SPARCL1: variants seen among roughly 807,000 people sequenced by gnomAD.
SPARCL1 encodes the protein SPARC-like protein 1.
SPARCL1 carries 52 observed loss-of-function variants against 67.1 expected under a neutral mutation model. The ratio of observed to expected loss-of-function variants is 0.78; its 90% CI spans 0.62 to 0.98. The LOEUF is 0.98. Among genes scored for constraint, SPARCL1 ranks in the 50% least tolerant of loss-of-function variants. The pLI, the probability that SPARCL1 is intolerant of heterozygous loss-of-function variation, is 0.00. For missense variants in SPARCL1, 717 were observed against 782.4 expected (o/e 0.92, Z 1.00); for synonymous variants, 226 against 267.8 (o/e 0.84, Z 1.52).
intron 7 of SPARCL1, among the ~76,000 whole-genome samples, chr4:87,489,793 C>G (rs920767880): frequency 3.3e-5 from 5 of 152,174 alleles, no homozygotes; most frequent in Admixed American, 3.3e-4. Context: ...GTGAGCACTG[C>G]TAATGTGGAG....
Position 87,473,467 on chromosome 4 carries a change from CATT to C in SPARCL1, c.*305_*307del, listed in dbSNP as rs774088265. 1.3e-5 allele frequency: 3 copies of C among 229,372 alleles called. No individual in the cohort carries two copies. Among genetic ancestry groups the C allele is most frequent in the Admixed American group, 5.6e-5 (1 of 17,720 alleles). 14.2% of individuals were successfully genotyped at this position (229,372 alleles called of 1,614,324 possible). On this transcript the variant is annotated 3_prime_UTR_variant, in exon 11 of 11. Coordinates refer to ENST00000282470, the MANE Select transcript of SPARCL1 (RefSeq NM_004684.6). ...AACAATACAAATGCATTATTTTTAT[CATT>C]AATAGTTTAATCATTAATTATCTCA... is the stretch of plus-strand genomic sequence containing the variant.
At chr4:87,481,763 C>A (rs1317316021) in intron 8 of SPARCL1, among the ~76,000 whole-genome samples, 1 of 152,164 alleles carries the variant, frequency 6.6e-6, no homozygotes, top group African/African-American at 2.4e-5. Context: ...TATATAATTG[C>A]ATATATGCAT....
Position 87,493,629 on chromosome 4 carries a change from G to A in SPARCL1, c.1171C>T (p.His391Tyr). 6.2e-7 allele frequency: 1 copy of A among 1,613,644 alleles called. No individual in the cohort carries two copies. The highest frequency in any genetic ancestry group is 1.1e-5 in the South Asian group (1 of 91,062). Residue 391 changes from histidine (H) to tyrosine (Y), a missense_variant, in exon 4 of 11, where the codon CAT becomes TAT. Coordinates refer to ENST00000282470, the MANE Select transcript of SPARCL1 (RefSeq NM_004684.6). ...GTGGTACCTATATTTTCATTTTCAT[G>A]TACTTTTTCTCTTTGCTCCTCAATT... ...LKIEEQREKV[H>Y]ENENIGTTEP...
chr4:87,475,737 A>G (rs1723558856), intron 10 of SPARCL1, among the ~76,000 whole-genome samples: 1 of 152,186 alleles, frequency 6.6e-6, no homozygotes, highest in Non-Finnish European at 1.5e-5. Context: ...AAGTCTAAAA[A>G]CAACATGCTG....
rs70957258 is a variant in SPARCL1, at chr4:87,504,135, T to TTGTGTGTGTGTG, written c.-11-4562_-11-4551dup. Among the ~76,000 whole-genome samples, 91 of 30,930 alleles carry TTGTGTGTGTGTG rather than the reference T, an allele frequency of 2.9e-3. 3 individuals are homozygous for TTGTGTGTGTGTG. Among genetic ancestry groups the TTGTGTGTGTGTG allele is most frequent in the Non-Finnish European group, 3.1e-3 (44 of 14,130 alleles). 20.3% of individuals were successfully genotyped at this position (30,930 alleles called of 152,430 possible). A position where few individuals can be genotyped will look rare whatever the true frequency, so the allele number is the denominator to read the frequency against. ...GCTGCACATAGAAAGTGATTTGGTA[T>TTGTGTGTGTGTG]TGTGTGTGTGTGTGTGTGTGTGTGT... is the stretch of plus-strand genomic sequence containing the variant. On this transcript the variant is annotated intron_variant, in intron 1 of 10. Coordinates refer to ENST00000282470, the MANE Select transcript of SPARCL1 (RefSeq NM_004684.6).
chr4:87,479,479 A>T lies in SPARCL1; in HGVS notation c.1917T>A (p.Asp639Glu). The T allele has an allele frequency of 6.2e-7, 1 of 1,614,096 alleles. No homozygotes were observed. Among genetic ancestry groups the T allele is most frequent in the South Asian group, 1.1e-5 (1 of 91,076 alleles). Reference protein sequence around the residue: ...RFFEECDPNKDKHITLKEWGH... With the variant: ...RFFEECDPNKEKHITLKEWGH... ...CCCACTCCTTCAGGGTGATGTGCTT[A>T]TCCTTGTTGGGGTCACACTCCTCAA... The change falls in exon 10 of 11, where the codon GAT becomes GAA. Residue 639 changes from aspartate to glutamate, a missense_variant. Asp to Glu is a conservative substitution (Grantham distance 45). Coordinates refer to ENST00000282470, the MANE Select transcript of SPARCL1 (RefSeq NM_004684.6).
intron 1 of SPARCL1, among the ~76,000 whole-genome samples, chr4:87,518,313 A>C (rs1043874044): frequency 5.9e-5 from 9 of 152,152 alleles, no homozygotes; most frequent in African/African-American, 1.9e-4. Context: ...TTTTCCCCTC[A>C]AGCCAGGCTT....
At chr4:87,517,784 T>G (rs1725644193) in intron 1 of SPARCL1, among the ~76,000 whole-genome samples, 1 of 152,226 alleles carries the variant, frequency 6.6e-6, no homozygotes, top group African/African-American at 2.4e-5. Context: ...GCTCTGTGAA[T>G]GGACCAAGAA....
Position 87,479,532 on chromosome 4 carries a change from G to A in SPARCL1, c.1864C>T (p.Pro622Ser). Residue 622 changes from proline (P) to serine (S), a missense_variant, in exon 10 of 11, where the codon CCC (proline) becomes TCC (serine). By Grantham distance (74) the Pro-to-Ser change is moderately conservative (BLOSUM62 -1). Transcript: ENST00000282470. The stretch of plus-strand genomic sequence containing the variant: ...AAACGGGTTATGCAGTGTTCCATGG[G>A]CACCAGAGATGCTCGCAGAGGAGCA... ...ELAPLRASLV[P>S]MEHCITRFFE... 6.2e-7 allele frequency: 1 copy of A among 1,614,016 alleles called. No individual in the cohort carries two copies. The highest frequency in any genetic ancestry group is 1.1e-5 in the South Asian group (1 of 91,068).
intron 2 of SPARCL1, among the ~76,000 whole-genome samples, chr4:87,495,620 G>T (rs906133693): frequency 1.3e-5 from 2 of 152,034 alleles, no homozygotes; most frequent in Non-Finnish European, 2.9e-5. Flanking sequence ...TGGCCTTAAC[G>T]TTGGTCAGGA....
chr4:87,527,257 TG>T lies in SPARCL1; in HGVS notation c.-12+1787del, dbSNP rs148546951. On this transcript the variant is annotated intron_variant, in intron 1 of 10. Coordinates refer to ENST00000282470, the MANE Select transcript of SPARCL1 (RefSeq NM_004684.6). ...GCCCCGTAAGAAACAGACCCTGGCC[TG>T]GTTGGACATCTCTCAGGAAGCCAGG... Among the ~76,000 whole-genome samples, 1,269 of 152,324 alleles carry T rather than the reference TG, an allele frequency of 8.3e-3. 12 individuals carry two copies. Among genetic ancestry groups the T allele is most frequent in the African/African-American group, 0.029 (1,206 of 41,588 alleles).
Position 87,516,811 on chromosome 4 carries a change from C to T in SPARCL1, c.-12+12234G>A, listed in dbSNP as rs562263601. Among the ~76,000 whole-genome samples the T allele has an allele frequency of 1.2e-4, 18 of 152,208 alleles. No homozygotes were observed. In the South Asian group the frequency reaches 2.7e-3, roughly 23 times the overall value. On this transcript the variant is annotated intron_variant, in intron 1 of 10. Transcript: ENST00000282470. Reference sequence around the variant, plus strand: ...TTACTTTAATTATATTTAGAGGATCCCCCAGGCTTATCTTACCCAAGCTTG... The same window carrying T: ...TTACTTTAATTATATTTAGAGGATCTCCCAGGCTTATCTTACCCAAGCTTG...
intron 1 of SPARCL1, among the ~76,000 whole-genome samples, chr4:87,506,782 CATCT>C (rs11412640): frequency 0.43 from 40,233 of 93,282 alleles, 5,661 homozygotes; most frequent in Admixed American, 0.47. Context: ...ATCTATCTAT[CATCT>C]ATCTATCTAT....
In SPARCL1 at chr4:87,506,995, C is replaced by A. The variant is rs1447856396; in HGVS notation, c.-11-7410G>T. On this transcript the variant is annotated intron_variant, in intron 1 of 10. Transcript: ENST00000282470. ...TTTAATTCTTTTTTCTCTCATCTTC[C>A]TGATAAGTTAAGTTGTGATTCTTGA... Among the ~76,000 whole-genome samples the A allele has an allele frequency of 6.6e-5, 10 of 152,216 alleles. No individual in the cohort carries two copies. The East Asian group carries it at 1.2e-3, about 18-fold the overall frequency.
chr4:87,479,584 A>G lies in SPARCL1; in HGVS notation c.1818-6T>C. On this transcript the variant is annotated splice_polypyrimidine_tract_variant and splice_region_variant and intron_variant, in intron 9 of 10. Coordinates refer to ENST00000282470, the MANE Select transcript of SPARCL1 (RefSeq NM_004684.6). ...GTTCAGAATGTGTCAAGACTCTGCA[A>G]TGAAATACATGGCATCCTATTAATT... 5.6e-6 allele frequency: 9 copies of G among 1,613,118 alleles called. No individual in the cohort carries two copies. Among genetic ancestry groups the G allele is most frequent in the Non-Finnish European group, 7.6e-6 (9 of 1,179,612 alleles).
intron 1 of SPARCL1, among the ~76,000 whole-genome samples, chr4:87,527,283 GC>G (rs1305908684): frequency 6.6e-6 from 1 of 152,178 alleles, no homozygotes; most frequent in African/African-American, 2.4e-5. Context: ...AGGAAGCCAG[GC>G]CTACTGGGAA....
intron 1 of SPARCL1, among the ~76,000 whole-genome samples, chr4:87,523,688 A>T (rs12513064): frequency 0.24 from 35,929 of 152,144 alleles, 4,423 homozygotes; most frequent in South Asian, 0.36. Context: ...TGTTTCATGA[A>T]ATGTGAGAAA....
intron 1 of SPARCL1, among the ~76,000 whole-genome samples, chr4:87,520,470 A>G (rs1725766279): frequency 1.3e-5 from 2 of 152,158 alleles, no homozygotes; most frequent in African/African-American, 4.8e-5. Context: ...GGAATCAGAT[A>G]TGAAAACGTT....
chr4:87,493,504 G>A, intron 4 of SPARCL1, 78 bp downstream of exon 4: 19 of 1,314,180 alleles, frequency 1.4e-5, no homozygotes, highest in Non-Finnish European at 2.0e-5. Context: ...AGGACACTGT[G>A]AGAGCACAGA....
Sources: allele counts gnomAD v4.1 joint callset (sites outside exome capture counted in the v4.1 genomes callset), GRCh38; gene constraint gnomAD v4.1.1; transcripts MANE v1.5; gene names NCBI Gene and HGNC (gene_info 2026-07-23, HGNC 2026-07-21).